Variants in NLGN1 observed in about 807,000 individuals in gnomAD.
The protein encoded by NLGN1 is neuroligin 1.
In NLGN1, 12 loss-of-function variants were observed where a neutral mutation model predicts 65.5. The observed-to-expected ratio is 0.18, with a 90% CI of 0.12 to 0.30. The LOEUF is 0.30. Among genes scored for constraint, NLGN1 ranks in the 10% least tolerant of loss-of-function variants. The pLI, the probability that NLGN1 is intolerant of heterozygous loss-of-function variation, is 1.00. For synonymous variants in NLGN1, 350 were observed against 359.5 expected, an observed-to-expected ratio of 0.97 and a Z score of 0.30; for missense variants, 750 against 1,007.1, an observed-to-expected ratio of 0.74 and a Z score of 3.46.
chr3:173,786,145 A>G (rs1228607414), intron 3 of NLGN1, among the ~76,000 whole-genome samples: 1 of 152,098 alleles, frequency 6.6e-6, no homozygotes, highest in Non-Finnish European at 1.5e-5. Context: ...TTTTATGCAC[A>G]TTCATGTTGG....
intron 3 of NLGN1, among the ~76,000 whole-genome samples, chr3:173,720,325 T>A (rs2149999405): frequency 6.6e-6 from 1 of 152,262 alleles, no homozygotes; most frequent in East Asian, 1.9e-4. Context: ...TGTTTGAAAC[T>A]TGTTTAAAAA....
intron 4 of NLGN1, among the ~76,000 whole-genome samples, chr3:174,242,307 C>T (rs896917060): frequency 2.0e-5 from 3 of 151,930 alleles, no homozygotes; most frequent in African/African-American, 7.3e-5. Context: ...ACAAGAGAAT[C>T]GCTTGAACCT....
chr3:174,271,921 TGAGTC>T (rs1223418413), intron 4 of NLGN1, among the ~76,000 whole-genome samples: 1 of 151,744 alleles, frequency 6.6e-6, no homozygotes, highest in East Asian at 1.9e-4. Context: ...TTTACATTCC[TGAGTC>T]AAGTAAATTA....
intron 4 of NLGN1, among the ~76,000 whole-genome samples, chr3:174,205,160 C>G (rs2152780886): frequency 6.6e-6 from 1 of 152,080 alleles, no homozygotes; most frequent in African/African-American, 2.4e-5. Flanking sequence ...CATGAAAATA[C>G]ATTGTGGTTT....
intron 2 of NLGN1, among the ~76,000 whole-genome samples, chr3:173,524,176 T>A (rs1206289539): frequency 6.6e-6 from 1 of 151,994 alleles, no homozygotes; most frequent in African/African-American, 2.4e-5. Context: ...TCTGCCCGCC[T>A]CAGCCTCCCA....
chr3:173,877,340 G>A (rs1404191352), intron 4 of NLGN1, among the ~76,000 whole-genome samples: 2 of 152,084 alleles, frequency 1.3e-5, no homozygotes, highest in Non-Finnish European at 2.9e-5. Context: ...GACGGTCCAT[G>A]AAATTTCTGG....
intron 4 of NLGN1, among the ~76,000 whole-genome samples, chr3:174,060,100 T>G (rs1260098056): frequency 6.6e-6 from 1 of 152,136 alleles, no homozygotes; most frequent in Non-Finnish European, 1.5e-5. Flanking sequence ...CAGAGACTTT[T>G]TACAAAAAAT....
At chr3:173,939,614 G>A (rs1745653444) in intron 4 of NLGN1, among the ~76,000 whole-genome samples, 6 of 152,112 alleles carry the variant, frequency 3.9e-5, no homozygotes, top group African/African-American at 1.4e-4. Context: ...GTTTCCAGCT[G>A]GCAGGAAAAT....
chr3:173,991,184 T>C (rs1721024095), intron 4 of NLGN1, among the ~76,000 whole-genome samples: 1 of 152,194 alleles, frequency 6.6e-6, no homozygotes, highest in African/African-American at 2.4e-5. Flanking sequence ...TTCACTGCCA[T>C]AAAAATCCTG....
chr3:173,458,401 G>A (rs545640665), intron 2 of NLGN1, among the ~76,000 whole-genome samples: 1 of 152,048 alleles, frequency 6.6e-6, no homozygotes, highest in African/African-American at 2.4e-5. Context: ...TCATTCTCAG[G>A]TATCTCACCC....
chr3:173,838,500 A>T (rs1724101743), intron 4 of NLGN1, among the ~76,000 whole-genome samples: 1 of 152,184 alleles, frequency 6.6e-6, no homozygotes, highest in Admixed American at 6.5e-5. Context: ...GTGTACCTGT[A>T]AAAATGTTTG....
At chr3:173,737,701 C>T (rs1052051259) in intron 3 of NLGN1, among the ~76,000 whole-genome samples, 5 of 152,052 alleles carry the variant, frequency 3.3e-5, no homozygotes, top group African/African-American at 7.2e-5. Context: ...TAGTATAACT[C>T]ATGCTCCTAC....
intron 3 of NLGN1, among the ~76,000 whole-genome samples, chr3:173,629,262 C>T: frequency 6.6e-6 from 1 of 151,870 alleles, no homozygotes; most frequent in East Asian, 2.0e-4. Context: ...CTTCATTAGG[C>T]TGGCAAACAC....
intron 2 of NLGN1, among the ~76,000 whole-genome samples, chr3:173,456,792 G>A (rs76322884): frequency 0.069 from 10,497 of 152,146 alleles, 426 homozygotes; most frequent in Middle Eastern, 0.2. Context: ...AGCAGTAGCT[G>A]TGAAAAAGAA....
At chr3:173,658,533 G>A (rs1258319605) in intron 3 of NLGN1, among the ~76,000 whole-genome samples, 3 of 151,994 alleles carry the variant, frequency 2.0e-5, no homozygotes, top group African/African-American at 7.2e-5. Flanking sequence ...TTTGGAAATA[G>A]CATAGAACTA....
chr3:173,728,309 T>C (rs73880560), intron 3 of NLGN1, among the ~76,000 whole-genome samples: 9,049 of 152,060 alleles, frequency 0.06, 377 homozygotes, highest in East Asian at 0.13. Flanking sequence ...GTAGAAGATA[T>C]CTTACAGGCA....
At chr3:174,066,200 C>T (rs1034529628) in intron 4 of NLGN1, among the ~76,000 whole-genome samples, 12 of 152,056 alleles carry the variant, frequency 7.9e-5, no homozygotes, top group Admixed American at 5.9e-4. Context: ...TTTATGATCT[C>T]ACTAATACAA....
intron 4 of NLGN1, among the ~76,000 whole-genome samples, chr3:173,839,663 C>T (rs1011433295): frequency 1.3e-5 from 2 of 152,060 alleles, no homozygotes; most frequent in East Asian, 1.9e-4. Flanking sequence ...CCTTGTGATC[C>T]ACCTGCCTCT....
chr3:173,532,432 A>G (rs922331876), intron 2 of NLGN1, among the ~76,000 whole-genome samples: 3 of 152,150 alleles, frequency 2.0e-5, no homozygotes, highest in African/African-American at 4.8e-5. Flanking sequence ...GCATTTTCGT[A>G]TAGCCTATTG....
Sources: gnomAD v4.1 joint callset for allele counts (sites outside exome capture counted in the v4.1 genomes callset) on GRCh38, gnomAD v4.1.1 for gene constraint, MANE v1.5 for transcripts, NCBI Gene and HGNC (gene_info 2026-07-23, HGNC 2026-07-21) for gene names.